The following RECK variants were observed in gnomAD, a reference collection of about 807,000 sequenced individuals.
RECK encodes the protein reversion-inducing cysteine-rich protein with Kazal motifs.
A neutral mutation model predicts 115.1 loss-of-function variants in RECK; 69 were observed. The ratio of observed to expected loss-of-function variants is 0.60; its 90% CI spans 0.49 to 0.73. The LOEUF (loss-of-function observed/expected upper bound fraction) is 0.73, where lower values mean the gene tolerates loss of function less well. RECK is among the 30% of genes least tolerant of loss of function. RECK has a pLI of 0.00. For missense variants in RECK, 1,047 were observed against 1,203.7 expected (o/e 0.87, Z 1.93); for synonymous variants, 414 against 419.7 (o/e 0.99, Z 0.17).
At chr9:36,079,085 G>A (rs1458147793) in intron 6 of RECK, among the ~76,000 whole-genome samples, 2 of 152,054 alleles carry the variant, frequency 1.3e-5, no homozygotes, top group Non-Finnish European at 2.9e-5. Context: ...AGTAGAGACA[G>A]GGTTTCTCCA....
chr9:36,077,118 T>A (rs963379153), intron 6 of RECK, among the ~76,000 whole-genome samples: 2 of 152,268 alleles, frequency 1.3e-5, no homozygotes, highest in Admixed American at 1.3e-4. Flanking sequence ...AGTTTTGACC[T>A]ATTCTTGACT....
chr9:36,059,195 G>T (rs57931351), intron 3 of RECK, among the ~76,000 whole-genome samples: 2,572 of 152,240 alleles, frequency 0.017, 74 homozygotes, highest in African/African-American at 0.06. Flanking sequence ...GGTGGCTGAT[G>T]CCTGTAATCC....
chr9:36,068,734 G>T lies in RECK; in HGVS notation c.405+3110G>T, dbSNP rs190015679. On this transcript the variant is annotated intron_variant, in intron 6 of 20. Coordinates refer to ENST00000377966, the MANE Select transcript of RECK (RefSeq NM_021111.3). ...CCTTCCCTTCCCACCAATAAATTTG[G>T]GATTCCAAAGGGACTATACACTTAG... Among the ~76,000 whole-genome samples, 182 of 152,254 alleles carry T rather than the reference G, an allele frequency of 1.2e-3. 3 individuals carry two copies. Among genetic ancestry groups the T allele is most frequent in the Non-Finnish European group, 2.5e-4 (17 of 68,026 alleles).
chr9:36,063,341 T>A (rs1821859260), intron 4 of RECK, among the ~76,000 whole-genome samples: 2 of 152,342 alleles, frequency 1.3e-5, no homozygotes, highest in Non-Finnish European at 2.9e-5. Flanking sequence ...AACAGGATCA[T>A]GAATTTTATG....
At chr9:36,053,436 T>C (rs1396063159) in intron 2 of RECK, among the ~76,000 whole-genome samples, 5 of 152,132 alleles carry the variant, frequency 3.3e-5, no homozygotes, top group Non-Finnish European at 4.4e-5. Context: ...AATGTAGACG[T>C]AGAAAGATTT....
chr9:36,091,078 A>G lies in RECK; in HGVS notation c.906-86A>G, dbSNP rs1351522112. 5 of 1,262,672 alleles carry G rather than the reference A, an allele frequency of 4.0e-6. No homozygotes were observed. The African/African-American group carries it at 6.1e-5, about 15-fold the overall frequency. The allele number at this position is 1,262,672 out of a possible 1,614,324, so 78.2% of individuals were successfully genotyped here. ...TTTTCTCACATACGTTCCAAAGTAT[A>G]TAGTTCATAGAGTTTTAGTTTTATG... On this transcript the variant is annotated intron_variant, in intron 9 of 20. Transcript: ENST00000377966.
At chr9:36,106,798 A>G (rs960821313) in intron 13 of RECK, among the ~76,000 whole-genome samples, 34 of 151,972 alleles carry the variant, frequency 2.2e-4, no homozygotes, top group African/African-American at 8.2e-4. Flanking sequence ...ATTTCATATT[A>G]TTTAAATATA....
chr9:36,078,205 A>G (rs966320082), intron 6 of RECK, among the ~76,000 whole-genome samples: 21 of 152,372 alleles, frequency 1.4e-4, no homozygotes, highest in African/African-American at 4.8e-4. Context: ...GCTATTGTCC[A>G]TAAGTATTTC....
At chr9:36,073,625 C>T (rs1452696177) in intron 6 of RECK, among the ~76,000 whole-genome samples, 1 of 152,150 alleles carries the variant, frequency 6.6e-6, no homozygotes, top group Non-Finnish European at 1.5e-5. Context: ...AAATTTGATC[C>T]ATGTCACTAC....
intron 18 of RECK, 104 bp from the exon 19 acceptor site, chr9:36,120,559 T>C: frequency 2.2e-6 from 2 of 902,384 alleles, no homozygotes; most frequent in Non-Finnish European, 3.5e-6. Context: ...GGAAGGACAC[T>C]GTAACTCTCC....
chr9:36,112,497 T>C (rs1451530447), intron 16 of RECK, 21 bp downstream of exon 16: 6 of 1,611,320 alleles, frequency 3.7e-6, no homozygotes, highest in South Asian at 1.1e-5. Flanking sequence ...TGGCTTCTTA[T>C]TTTATTCAAC....
chr9:36,118,838 G>A lies in RECK; in HGVS notation c.2335G>A (p.Val779Met), dbSNP rs371483607. The A allele has an allele frequency of 2.5e-5, 40 of 1,614,028 alleles. No homozygotes were observed. The highest frequency in any genetic ancestry group is 1.9e-4 in the African/African-American group (14 of 74,920). ...SSVCAAYSDR[V>M]AVDYYGDCQA... ...TGTGTGTGCTGCCTACTCGGATCGCGTGGCAGTCGATTACTATGGGGACTG... is the reference window on the plus strand; with the variant it reads ...TGTGTGTGCTGCCTACTCGGATCGCATGGCAGTCGATTACTATGGGGACTG... The change falls in exon 18 of 21, where the codon GTG (valine) becomes ATG (methionine). Residue 779 changes from valine to methionine, a missense_variant. Transcript: ENST00000377966.
intron 11 of RECK, among the ~76,000 whole-genome samples, chr9:36,101,253 C>G (rs563868802): frequency 5.3e-5 from 8 of 152,306 alleles, no homozygotes; most frequent in South Asian, 4.1e-4. Context: ...GCCCAGCCGA[C>G]TTTGCTCTTC....
chr9:36,045,767 G>A (rs1367124328), intron 1 of RECK, among the ~76,000 whole-genome samples: 1 of 151,880 alleles, frequency 6.6e-6, no homozygotes, highest in Non-Finnish European at 1.5e-5. Context: ...AAGCTAGTTG[G>A]CTTTAGAAGC....
chr9:36,045,100 A>G (rs1216041459), intron 1 of RECK, among the ~76,000 whole-genome samples: 1 of 152,226 alleles, frequency 6.6e-6, no homozygotes, highest in African/African-American at 2.4e-5. Context: ...GTATCTATCC[A>G]TACATACATA....
intron 15 of RECK, among the ~76,000 whole-genome samples, chr9:36,111,873 A>G (rs1200388195): frequency 1.3e-5 from 2 of 151,880 alleles, no homozygotes; most frequent in African/African-American, 2.4e-5. Flanking sequence ...GCCCTCAACT[A>G]GTTGGCAATA....
chr9:36,089,027 AAATT>A (rs1178169603), intron 9 of RECK, among the ~76,000 whole-genome samples: 15 of 152,280 alleles, frequency 9.9e-5, no homozygotes, highest in African/African-American at 1.7e-4. Context: ...GTCTCAAAAT[AAATT>A]AATTAATTAA....
intron 2 of RECK, among the ~76,000 whole-genome samples, chr9:36,056,617 C>T (rs552510453): frequency 1.3e-5 from 2 of 152,268 alleles, no homozygotes; most frequent in Non-Finnish European, 2.9e-5. Flanking sequence ...TATTCTAGAC[C>T]TATATGGTAG....
At position 36,060,106 on chromosome 9, in the gene RECK, G is replaced by C. The variant is rs778304878; in HGVS notation, c.235-13G>C. 3 of 1,612,258 alleles carry C rather than the reference G, an allele frequency of 1.9e-6. No homozygotes were observed. The highest frequency in any genetic ancestry group is 2.5e-6 in the Non-Finnish European group (3 of 1,178,932). ...TTATCTACATAAAAGCCTTTTGTTG[G>C]GTACACTTTTAGGTTGAAATTTGGA... On this transcript the variant is annotated splice_polypyrimidine_tract_variant and intron_variant, in intron 3 of 20. Transcript: ENST00000377966.
Sources: gnomAD v4.1 joint callset for allele counts (sites outside exome capture counted in the v4.1 genomes callset) on GRCh38, gnomAD v4.1.1 for gene constraint, MANE v1.5 for transcripts, NCBI Gene and HGNC (gene_info 2026-07-23, HGNC 2026-07-21) for gene names.